CCSER1: variants seen among roughly 807,000 people sequenced by gnomAD.
The protein encoded by CCSER1 is serine-rich coiled-coil domain-containing protein 1.
A neutral mutation model predicts 82.0 loss-of-function variants in CCSER1; 41 were observed. The observed-to-expected ratio is 0.50, with a 90% CI of 0.39 to 0.65. The LOEUF is 0.65. Ranked by LOEUF, CCSER1 falls within the 30% of genes least tolerant of loss-of-function variation. CCSER1 has a pLI of 0.00. For missense variants in CCSER1, 1,119 were observed against 1,064.2 expected, an observed-to-expected ratio of 1.05 and a Z score of -0.72; for synonymous variants, 414 against 383.9, an observed-to-expected ratio of 1.08 and a Z score of -0.92.
intron 5 of CCSER1, among the ~76,000 whole-genome samples, chr4:90,596,458 G>C (rs962986217): frequency 6.6e-6 from 1 of 151,568 alleles, no homozygotes; most frequent in East Asian, 1.9e-4. Flanking sequence ...TTTAAATTTG[G>C]CATTTAAGCT....
intron 6 of CCSER1, among the ~76,000 whole-genome samples, chr4:90,685,635 C>T (rs1169583941): frequency 6.6e-6 from 1 of 152,110 alleles, no homozygotes; most frequent in Admixed American, 6.6e-5. Context: ...CGGTGAAGTC[C>T]TTTCCATCAA....
chr4:90,345,955 T>C (rs1366745501), intron 3 of CCSER1, among the ~76,000 whole-genome samples: 1 of 152,078 alleles, frequency 6.6e-6, no homozygotes, highest in East Asian at 1.9e-4. Flanking sequence ...TGGCTCTACC[T>C]GTCTTCATAG....
chr4:90,391,897 A>G (rs1578242530), intron 3 of CCSER1, among the ~76,000 whole-genome samples: 1 of 152,192 alleles, frequency 6.6e-6, no homozygotes, highest in East Asian at 1.9e-4. Context: ...CACCTGCCAA[A>G]GAACTACAGT....
intron 10 of CCSER1, chr4:91,108,083 G>A (rs1283856679): frequency 6.6e-6 from 1 of 152,136 alleles, no homozygotes; most frequent in East Asian, 1.9e-4. Flanking sequence ...ATCTTTCATT[G>A]ATTAAAAGCA....
intron 9 of CCSER1, among the ~76,000 whole-genome samples, chr4:90,975,105 TCATCACAAAA>T (rs1330627206): frequency 9.9e-5 from 15 of 151,492 alleles, no homozygotes; most frequent in Non-Finnish European, 1.9e-4. Context: ...TAAAAGAAGC[TCATCACAAAA>T]CATCACTTAT....
At chr4:90,862,007 A>G (rs1158348798) in intron 8 of CCSER1, among the ~76,000 whole-genome samples, 1 of 150,440 alleles carries the variant, frequency 6.6e-6, no homozygotes, top group African/African-American at 2.4e-5. Context: ...GTGATGAAAG[A>G]CTAAAAGGAA....
chr4:90,441,670 A>G lies in CCSER1; in HGVS notation c.1604-26564A>G, dbSNP rs1273471976. ...TGTTGCTACTATGCCATTTAGAATG[A>G]TAGCACTTGAATTGACTTATAGTGT... On this transcript the variant is annotated intron_variant, in intron 4 of 10. Transcript: ENST00000509176. 2.6e-5 allele frequency among the ~76,000 whole-genome samples: 4 copies of G among 152,350 alleles called. No individual in the cohort carries two copies. In the East Asian group the frequency reaches 7.7e-4, roughly 29 times the overall value.
At chr4:91,167,190 T>G in intron 10 of CCSER1, among the ~76,000 whole-genome samples, 1 of 148,094 alleles carries the variant, frequency 6.8e-6, no homozygotes, top group African/African-American at 2.5e-5. Flanking sequence ...CAATACTTTT[T>G]TTTTTTTTTT....
rs1553934491 is a variant in CCSER1, at chr4:90,529,951, A to ATT, written c.1724+61606_1724+61607dup. On this transcript the variant is annotated intron_variant, in intron 5 of 10. Transcript: ENST00000509176. Reference sequence around the variant, plus strand: ...TATTAAATAGAATATATATATATATATTTTTTTTTTCTCTAATGGTAGAGA... The same window carrying ATT: ...TATTAAATAGAATATATATATATATATTTTTTTTTTTTCTCTAATGGTAGAGA... Among the ~76,000 whole-genome samples, 438 of 127,136 alleles carry ATT rather than the reference A, an allele frequency of 3.4e-3. 3 individuals are homozygous for ATT. The highest frequency in any genetic ancestry group is 0.011 in the African/African-American group (403 of 35,818). 83.4% of individuals were successfully genotyped at this position (127,136 alleles called of 152,430 possible). A position where few individuals can be genotyped will look rare whatever the true frequency, so the allele number is the denominator to read the frequency against.
At chr4:90,428,313 C>T (rs1578420043) in intron 4 of CCSER1, among the ~76,000 whole-genome samples, 1 of 151,732 alleles carries the variant, frequency 6.6e-6, no homozygotes, top group Non-Finnish European at 1.5e-5. Flanking sequence ...TAATAAGTAA[C>T]AGAATTCTGT....
chr4:90,694,572 G>T (rs1736636320), intron 6 of CCSER1, among the ~76,000 whole-genome samples: 1 of 151,986 alleles, frequency 6.6e-6, no homozygotes, highest in African/African-American at 2.4e-5. Flanking sequence ...AATGTTTTGT[G>T]CAATTGCTCA....
At chr4:90,598,511 A>G (rs1783636823) in intron 5 of CCSER1, among the ~76,000 whole-genome samples, 1 of 151,970 alleles carries the variant, frequency 6.6e-6, no homozygotes, top group Non-Finnish European at 1.5e-5. Context: ...CCATCCTAAC[A>G]TGTGTGAGGT....
At chr4:90,330,818 G>GAT (rs1739146284) in intron 3 of CCSER1, among the ~76,000 whole-genome samples, 1 of 152,266 alleles carries the variant, frequency 6.6e-6, no homozygotes, top group African/African-American at 2.4e-5. Flanking sequence ...GAAGTTCAAA[G>GAT]ATAGCCACAG....
intron 5 of CCSER1, among the ~76,000 whole-genome samples, chr4:90,564,302 G>A (rs1390736844): frequency 6.6e-6 from 1 of 152,004 alleles, no homozygotes; most frequent in Non-Finnish European, 1.5e-5. Context: ...GTGATCCTCC[G>A]CCTTGCCCTC....
chr4:90,744,820 G>T (rs1747139952), intron 7 of CCSER1, among the ~76,000 whole-genome samples: 1 of 152,062 alleles, frequency 6.6e-6, no homozygotes, highest in Admixed American at 6.5e-5. Flanking sequence ...ATCTGAGGTG[G>T]AATAGTTTCA....
chr4:90,271,863 T>TGTATATATATATATATATATATA (rs61116868), intron 1 of CCSER1, among the ~76,000 whole-genome samples: 1 of 19,794 alleles, frequency 5.1e-5, no homozygotes, highest in East Asian at 2.1e-3. Flanking sequence ...TATATATATA[T>TGTATATATATATATATATATATA]TTTTTTTTTT....
At chr4:90,427,335 T>C (rs1278982161) in intron 4 of CCSER1, among the ~76,000 whole-genome samples, 1 of 151,798 alleles carries the variant, frequency 6.6e-6, no homozygotes, top group Non-Finnish European at 1.5e-5. Flanking sequence ...TATGAGGAAA[T>C]TAAAATCATG....
intron 8 of CCSER1, among the ~76,000 whole-genome samples, chr4:90,874,098 A>T (rs183597738): frequency 4.6e-5 from 7 of 152,274 alleles, no homozygotes; most frequent in Admixed American, 4.6e-4. Flanking sequence ...CAATTTAAAA[A>T]GTTAGCTAGG....
At chr4:90,251,091 G>A (rs1441362246) in intron 1 of CCSER1, among the ~76,000 whole-genome samples, 2 of 151,914 alleles carry the variant, frequency 1.3e-5, no homozygotes, top group Admixed American at 6.6e-5. Flanking sequence ...TTTTGTTTGT[G>A]TATGTGTATG....
Sources: gnomAD v4.1 joint callset for allele counts (sites outside exome capture counted in the v4.1 genomes callset) on GRCh38, gnomAD v4.1.1 for gene constraint, MANE v1.5 for transcripts, NCBI Gene and HGNC (gene_info 2026-07-23, HGNC 2026-07-21) for gene names.